The following DPYD variants were observed in gnomAD, a reference collection of about 807,000 sequenced individuals.
The protein encoded by DPYD is dihydropyrimidine dehydrogenase.
In DPYD, 109 loss-of-function variants were observed where a neutral mutation model predicts 116.2. The ratio of observed to expected loss-of-function variants is 0.94; its 90% CI spans 0.80 to 1.10. The LOEUF is 1.10. Among genes scored for constraint, DPYD ranks in the 50% least tolerant of loss-of-function variants. The probability of loss-of-function intolerance (pLI) is 0.00; values close to 1 mark genes in which losing one functional copy is unlikely to be tolerated. For missense variants in DPYD, 1,302 were observed against 1,254.5 expected (o/e 1.04, Z -0.57); for synonymous variants, 440 against 432.0 (o/e 1.02, Z -0.23).
intron 4 of DPYD, among the ~76,000 whole-genome samples, chr1:97,724,306 GGGTGTGTGTGT>G (rs1663104540): frequency 0.013 from 2 of 154 alleles, no homozygotes; most frequent in African/African-American, 0.029. Flanking sequence ...GGGGGGGGGG[GGGTGTGTGTGT>G]GTGTGTGTGT....
At chr1:97,505,737 T>G (rs529742535) in intron 13 of DPYD, among the ~76,000 whole-genome samples, 1 of 152,022 alleles carries the variant, frequency 6.6e-6, no homozygotes, top group African/African-American at 2.4e-5. Flanking sequence ...TCAAAATACA[T>G]CAAATCTTGC....
intron 20 of DPYD, among the ~76,000 whole-genome samples, chr1:97,155,172 T>A (rs1271653783): frequency 6.6e-6 from 1 of 152,222 alleles, no homozygotes. Context: ...CTATTAAATA[T>A]GTGGAATGTG....
chr1:97,536,726 C>G (rs1305930213), intron 12 of DPYD, among the ~76,000 whole-genome samples: 1 of 152,164 alleles, frequency 6.6e-6, no homozygotes, highest in East Asian at 1.9e-4. Context: ...TTTTCTCTTG[C>G]CTCACCCAGA....
At chr1:97,429,576 A>G (rs1283147623) in intron 14 of DPYD, among the ~76,000 whole-genome samples, 3 of 152,018 alleles carry the variant, frequency 2.0e-5, no homozygotes, top group African/African-American at 7.2e-5. Flanking sequence ...TAGTCTTTTT[A>G]TCTTGAGTAA....
Position 97,291,613 on chromosome 1 carries a change from C to G in DPYD, c.2299+13646G>C, listed in dbSNP as rs1054799626. ...CAAAAAACCAAACACCGCATTTTCT[C>G]ACTCATAGGTGGGAATTGAACAATG... On this transcript the variant is annotated intron_variant, in intron 18 of 22. Coordinates refer to ENST00000370192, the MANE Select transcript of DPYD (RefSeq NM_000110.4). 6.6e-5 allele frequency among the ~76,000 whole-genome samples: 10 copies of G among 151,826 alleles called. No homozygotes were observed. The South Asian group carries it at 1.2e-3, about 19-fold the overall frequency.
chr1:97,688,997 A>T (rs79691313), intron 7 of DPYD, among the ~76,000 whole-genome samples: 12,072 of 151,706 alleles, frequency 0.08, 606 homozygotes, highest in Middle Eastern at 0.1. Flanking sequence ...GTAAGACTAG[A>T]AAAATATTTA....
intron 15 of DPYD, 24 bp downstream of exon 15, chr1:97,382,369 A>C: frequency 2.1e-6 from 3 of 1,458,560 alleles, no homozygotes; most frequent in South Asian, 2.7e-5. Flanking sequence ...AAATAAAATA[A>C]ATATATACTA....
At chr1:97,853,310 G>A (rs1670660402) in intron 2 of DPYD, among the ~76,000 whole-genome samples, 2 of 152,112 alleles carry the variant, frequency 1.3e-5, no homozygotes, top group Non-Finnish European at 2.9e-5. Flanking sequence ...CTTCTATGCT[G>A]TTAGTTCAGT....
At chr1:97,525,770 G>A (rs1649010128) in intron 12 of DPYD, among the ~76,000 whole-genome samples, 3 of 149,914 alleles carry the variant, frequency 2.0e-5, no homozygotes, top group Admixed American at 6.7e-5. Context: ...GAGAGAGAGA[G>A]AGAGAGAGAG....
chr1:97,670,417 T>C (rs1010589979), intron 8 of DPYD, among the ~76,000 whole-genome samples: 1 of 152,150 alleles, frequency 6.6e-6, no homozygotes, highest in Non-Finnish European at 1.5e-5. Context: ...TTAGTGCCCT[T>C]ATAGAAAGAA....
At chr1:97,811,066 T>G (rs1668327326) in intron 3 of DPYD, among the ~76,000 whole-genome samples, 1 of 152,166 alleles carries the variant, frequency 6.6e-6, no homozygotes, top group Non-Finnish European at 1.5e-5. Context: ...TTAGCCTATA[T>G]CCACTTACCC....
At chr1:97,247,703 GATA>G (rs1288572429) in intron 18 of DPYD, among the ~76,000 whole-genome samples, 2 of 152,052 alleles carry the variant, frequency 1.3e-5, no homozygotes, top group Non-Finnish European at 2.9e-5. Flanking sequence ...AATATAAAAG[GATA>G]ATAATAGAAC....
intron 3 of DPYD, among the ~76,000 whole-genome samples, chr1:97,793,801 G>T (rs377225395): frequency 3.9e-4 from 59 of 152,030 alleles, no homozygotes; most frequent in African/African-American, 1.3e-3. Flanking sequence ...GCAACCCTAG[G>T]GTAGACAAAG....
intron 2 of DPYD, among the ~76,000 whole-genome samples, chr1:97,843,764 T>A (rs192824873): frequency 1.3e-5 from 2 of 152,126 alleles, no homozygotes; most frequent in Non-Finnish European, 2.9e-5. Context: ...TAGAAAAAAA[T>A]TTACAATACT....
At chr1:97,704,806 G>A (rs1427379263) in intron 5 of DPYD, among the ~76,000 whole-genome samples, 1 of 151,768 alleles carries the variant, frequency 6.6e-6, no homozygotes, top group African/African-American at 2.4e-5. Flanking sequence ...AATATTCTAT[G>A]ATTTAATTTT....
intron 13 of DPYD, among the ~76,000 whole-genome samples, chr1:97,478,610 C>T (rs1678122904): frequency 6.6e-6 from 1 of 152,140 alleles, no homozygotes; most frequent in Non-Finnish European, 1.5e-5. Flanking sequence ...CTTAAGGGCC[C>T]TAGGACCTTC....
At chr1:97,399,073 G>T (rs1016972454) in intron 14 of DPYD, among the ~76,000 whole-genome samples, 5 of 152,144 alleles carry the variant, frequency 3.3e-5, no homozygotes, top group African/African-American at 7.2e-5. Flanking sequence ...GGTTTTTATG[G>T]TTTTAGGTCT....
At chr1:97,300,196 A>G (rs1666776808) in intron 18 of DPYD, among the ~76,000 whole-genome samples, 1 of 152,098 alleles carries the variant, frequency 6.6e-6, no homozygotes, top group South Asian at 2.1e-4. Flanking sequence ...TTTTGTCCAT[A>G]CAAAAAAAGG....
chr1:97,408,438 T>C (rs1389609511), intron 14 of DPYD, among the ~76,000 whole-genome samples: 1 of 152,198 alleles, frequency 6.6e-6, no homozygotes, highest in Non-Finnish European at 1.5e-5. Flanking sequence ...ATTGACTTCA[T>C]ATAAGAATTT....
Sources: gnomAD v4.1 joint callset for allele counts (sites outside exome capture counted in the v4.1 genomes callset) on GRCh38, gnomAD v4.1.1 for gene constraint, MANE v1.5 for transcripts, NCBI Gene and HGNC (gene_info 2026-07-23, HGNC 2026-07-21) for gene names.